CSPP1: variants seen among roughly 807,000 people sequenced by gnomAD.
CSPP1 encodes the protein centrosome and spindle pole-associated protein 1.
A neutral mutation model predicts 164.4 loss-of-function variants in CSPP1; 126 were observed. The ratio of observed to expected loss-of-function variants is 0.77; its 90% confidence interval spans 0.66 to 0.89. CSPP1 has a LOEUF of 0.89. Ranked by LOEUF, CSPP1 falls within the 40% of genes least tolerant of loss-of-function variation. The pLI is 0.00. For missense variants in CSPP1, 1,395 were observed against 1,449.8 expected, an observed-to-expected ratio of 0.96 and a Z score of 0.61; for synonymous variants, 472 against 476.7, an observed-to-expected ratio of 0.99 and a Z score of 0.13.
rs775362535 is a variant in CSPP1 at position 67,193,474 on chromosome 8, G to A, written c.3341G>A (p.Arg1114His). Reference sequence around the variant, plus strand: ...GTTTTCTAACTACAGGATAGCAGTCGTCCTAATGTAGCACCAGATGGTCTC... The same window carrying A: ...GTTTTCTAACTACAGGATAGCAGTCATCCTAATGTAGCACCAGATGGTCTC... ...KWKGLDIDSS[R>H]PNVAPDGLSL... The change falls in exon 30 of 31, where the codon CGT (arginine) becomes CAT (histidine). Residue 1114 changes from arginine (R) to histidine (H), a missense_variant. By Grantham distance (29) the Arg-to-His change is conservative. Coordinates refer to ENST00000678616, the MANE Select transcript of CSPP1 (RefSeq NM_001382391.1). 10 of 1,612,762 alleles carry A rather than the reference G, an allele frequency of 6.2e-6. No homozygotes were observed. Among genetic ancestry groups the A allele is most frequent in the East Asian group, 2.2e-5 (1 of 44,850 alleles).
intron 27 of CSPP1, 75 bp from the exon 28 acceptor site, chr8:67,179,788 C>A: frequency 1.0e-6 from 1 of 971,396 alleles, no homozygotes; most frequent in Non-Finnish European, 1.6e-6. Flanking sequence ...GAAACTTGTG[C>A]CTCTTCTTAG....
intron 6 of CSPP1, among the ~76,000 whole-genome samples, chr8:67,094,383 C>T (rs1812295122): frequency 6.7e-6 from 1 of 149,538 alleles, no homozygotes; most frequent in Non-Finnish European, 1.5e-5. Flanking sequence ...AGGCGATTCT[C>T]CTGCCTCAGC....
rs1031668644 is a variant in CSPP1, at chr8:67,144,537, C to T, written c.1976-5246C>T. On this transcript the variant is annotated intron_variant, in intron 17 of 30. Coordinates refer to ENST00000678616, the MANE Select transcript of CSPP1 (RefSeq NM_001382391.1). ...TCACTGTAGCCTCGACCTCCTAGGC[C>T]GAAGCAATTCTGCCACCTCAACTTT... 5.3e-5 allele frequency among the ~76,000 whole-genome samples: 8 copies of T among 152,042 alleles called. No homozygotes were observed. The East Asian group carries it at 9.7e-4, about 18-fold the overall frequency.
chr8:67,107,983 G>T (rs1205560926), intron 9 of CSPP1, among the ~76,000 whole-genome samples: 19 of 127,132 alleles, frequency 1.5e-4, no homozygotes, highest in East Asian at 6.7e-4. Flanking sequence ...CTTTGACAAA[G>T]TTTTTTTTTT....
intron 18 of CSPP1, among the ~76,000 whole-genome samples, chr8:67,151,477 T>C (rs1037308411): frequency 5.9e-5 from 9 of 152,286 alleles, no homozygotes; most frequent in African/African-American, 1.7e-4. Context: ...CCTGGTATTG[T>C]TTGTAGTTCT....
intron 25 of CSPP1, chr8:67,174,943 T>C (rs1831261174): frequency 4.8e-6 from 1 of 207,408 alleles, no homozygotes; most frequent in Non-Finnish European, 9.8e-6. Flanking sequence ...ATGGCTGCCT[T>C]AGTCATAGCC....
chr8:67,145,520 C>CTTTTTT (rs1053090081), intron 17 of CSPP1, among the ~76,000 whole-genome samples: 1 of 143,626 alleles, frequency 7.0e-6, no homozygotes, highest in African/African-American at 2.6e-5. Context: ...TAATTTCTTT[C>CTTTTTT]TTTTTTTTTT....
At chr8:67,124,289 C>G (rs1229506754) in intron 15 of CSPP1, among the ~76,000 whole-genome samples, 3 of 151,630 alleles carry the variant, frequency 2.0e-5, no homozygotes, top group Non-Finnish European at 4.4e-5. Context: ...TTGTGGTTTC[C>G]CTACAGATTA....
At chr8:67,194,444 CA>C (rs1837311174) in intron 30 of CSPP1, among the ~76,000 whole-genome samples, 1 of 152,056 alleles carries the variant, frequency 6.6e-6, no homozygotes, top group Non-Finnish European at 1.5e-5. Context: ...ACAAAGCAGA[CA>C]TGGTTAATTG....
chr8:67,153,913 G>A lies in CSPP1; in HGVS notation c.2129-111G>A, dbSNP rs934047372. ...CCTTCCCCTTCTGATTTTAATCTTTGGACTTTTTTTTTTTTTAAAAATGAA... is the reference window on the plus strand; with the variant it reads ...CCTTCCCCTTCTGATTTTAATCTTTAGACTTTTTTTTTTTTTAAAAATGAA... On this transcript the variant is annotated intron_variant, in intron 18 of 30. Coordinates refer to ENST00000678616, the MANE Select transcript of CSPP1 (RefSeq NM_001382391.1). 5.2e-6 allele frequency: 3 copies of A among 572,904 alleles called. No individual in the cohort carries two copies. The African/African-American group carries it at 6.0e-5, about 11-fold the overall frequency. The allele number at this position is 572,904 out of a possible 1,614,324, so 35.5% of individuals were successfully genotyped here.
At chr8:67,146,687 A>C (rs113457012) in intron 17 of CSPP1, among the ~76,000 whole-genome samples, 3,045 of 152,302 alleles carry the variant, frequency 0.02, 73 homozygotes, top group South Asian at 0.047. Flanking sequence ...AGCCCTTCAC[A>C]AAATATATTT....
chr8:67,156,281 A>G (rs1229706354), intron 19 of CSPP1, among the ~76,000 whole-genome samples: 2 of 152,192 alleles, frequency 1.3e-5, no homozygotes, highest in Non-Finnish European at 2.9e-5. Flanking sequence ...CAGCTAGCAA[A>G]TTGTGAGGCC....
intron 2 of CSPP1, 111 bp downstream of exon 2, chr8:67,074,462 G>A: frequency 1.6e-6 from 1 of 607,758 alleles, no homozygotes. Flanking sequence ...CTGTTTTGTA[G>A]TATGCTGTCA....
At chr8:67,091,146 A>G (rs940230936) in intron 4 of CSPP1, among the ~76,000 whole-genome samples, 2 of 152,040 alleles carry the variant, frequency 1.3e-5, no homozygotes, top group African/African-American at 4.8e-5. Context: ...TACTATTCTC[A>G]TTTTGCAGAA....
intron 1 of CSPP1, among the ~76,000 whole-genome samples, chr8:67,073,990 G>A (rs958526579): frequency 6.6e-6 from 1 of 152,030 alleles, no homozygotes; most frequent in Non-Finnish European, 1.5e-5. Flanking sequence ...GTTTTTTGCC[G>A]GAGAGGGAGT....
chr8:67,145,781 C>T (rs571173855), intron 17 of CSPP1, among the ~76,000 whole-genome samples: 49 of 152,196 alleles, frequency 3.2e-4, no homozygotes, highest in Admixed American at 2.5e-3. Context: ...CCTCAGCCTC[C>T]GAAAGTGCTG....
rs1468429745 is a variant in CSPP1 at position 67,110,599 on chromosome 8, A to G, written c.1094-1373A>G. Among the ~76,000 whole-genome samples the G allele has an allele frequency of 2.6e-5, 4 of 152,154 alleles. No individual in the cohort carries two copies. In the South Asian group the frequency reaches 6.2e-4, roughly 24 times the overall value. On this transcript the variant is annotated intron_variant, in intron 9 of 30. Coordinates refer to ENST00000678616, the MANE Select transcript of CSPP1 (RefSeq NM_001382391.1). ...TTCTGGAGCTCTTTTTATGCTTCCT[A>G]TTGGATCTTTGCTCCATAACTTCTA... is the stretch of plus-strand genomic sequence containing the variant.
At chr8:67,077,170 GTCTCTC>G (rs141841739) in intron 3 of CSPP1, among the ~76,000 whole-genome samples, 51 of 148,932 alleles carry the variant, frequency 3.4e-4, no homozygotes, top group Admixed American at 3.3e-3. Flanking sequence ...TAAAGACAGG[GTCTCTC>G]TCTCTCTCTC....
chr8:67,116,221 G>A (rs537078067), intron 13 of CSPP1, 99 bp downstream of exon 13: 1 of 840,484 alleles, frequency 1.2e-6, no homozygotes, highest in Admixed American at 2.2e-5. Context: ...ATTCTTCAGA[G>A]ATTTTGTACA....
Sources: gnomAD v4.1 joint callset for allele counts (sites outside exome capture counted in the v4.1 genomes callset) on GRCh38, gnomAD v4.1.1 for gene constraint, MANE v1.5 for transcripts, NCBI Gene and HGNC (gene_info 2026-07-23, HGNC 2026-07-21) for gene names.